Variants in TCERG1L observed in about 807,000 individuals in gnomAD.
TCERG1L encodes the protein transcription elongation regulator 1 like.
Under a neutral mutation model 56.3 loss-of-function variants are expected in TCERG1L, and 37 were observed. That is an observed-to-expected ratio of 0.66 (90% CI 0.51 to 0.87). The LOEUF (loss-of-function observed/expected upper bound fraction) is 0.87. TCERG1L is among the 40% of genes least tolerant of loss of function. The pLI is 0.00. For synonymous variants in TCERG1L, 324 were observed against 326.3 expected, an observed-to-expected ratio of 0.99 and a Z score of 0.08; for missense variants, 799 against 774.2, an observed-to-expected ratio of 1.03 and a Z score of -0.38.
At chr10:131,194,115 G>C (rs528137979) in intron 4 of TCERG1L, among the ~76,000 whole-genome samples, 1 of 152,356 alleles carries the variant, frequency 6.6e-6, no homozygotes, top group East Asian at 1.9e-4. Flanking sequence ...ACACGGCATG[G>C]AGCTTTGACC....
rs58016777 is a variant in TCERG1L, at chr10:131,203,314, C to CAAAAAAA, written c.857-36436_857-36430dup. On this transcript the variant is annotated intron_variant, in intron 4 of 11. Transcript: ENST00000368642. ...TGGGTGACAGAGTGAGACTCCGTCT[C>CAAAAAAA]AAAAAAAAAAAGACTTCCAGTATGT... is the stretch of plus-strand genomic sequence containing the variant. Among the ~76,000 whole-genome samples, 12 of 117,668 alleles carry CAAAAAAA rather than the reference C, an allele frequency of 1.0e-4. 2 individuals are homozygous for CAAAAAAA. The highest frequency in any genetic ancestry group is 2.9e-4 in the Admixed American group (3 of 10,366). The allele number at this position is 117,668 out of a possible 152,430, so 77.2% of individuals were successfully genotyped here.
intron 4 of TCERG1L, among the ~76,000 whole-genome samples, chr10:131,177,807 C>T (rs1424482836): frequency 1.3e-5 from 2 of 151,396 alleles, no homozygotes; most frequent in Non-Finnish European, 2.9e-5. Context: ...GACTCTGGAT[C>T]GATGCCCCCC....
chr10:131,108,268 C>T (rs1227162737), intron 9 of TCERG1L, among the ~76,000 whole-genome samples: 2 of 152,174 alleles, frequency 1.3e-5, no homozygotes, highest in African/African-American at 4.8e-5. Context: ...TTTAGCCCAG[C>T]GTTTCACAGG....
At chr10:131,117,973 G>A (rs898779137) in intron 8 of TCERG1L, among the ~76,000 whole-genome samples, 19 of 152,172 alleles carry the variant, frequency 1.2e-4, no homozygotes, top group African/African-American at 3.9e-4. Flanking sequence ...GGGCAGGTCC[G>A]TCGGCTGCCA....
intron 9 of TCERG1L, among the ~76,000 whole-genome samples, chr10:131,109,871 C>T (rs139682475): frequency 2.0e-5 from 3 of 152,218 alleles, no homozygotes; most frequent in African/African-American, 4.8e-5. Flanking sequence ...GAAACGCAGG[C>T]GCCAGAAGGA....
chr10:131,279,891 C>A (rs558723879), intron 3 of TCERG1L, among the ~76,000 whole-genome samples: 1 of 152,232 alleles, frequency 6.6e-6, no homozygotes, highest in East Asian at 1.9e-4. Flanking sequence ...CTCTCGGGGG[C>A]ACACCCTCCT....
intron 4 of TCERG1L, among the ~76,000 whole-genome samples, chr10:131,221,082 C>G (rs1845727094): frequency 6.6e-6 from 1 of 152,210 alleles, no homozygotes; most frequent in Non-Finnish European, 1.5e-5. Context: ...CAACTGGACA[C>G]CTGCAGGGTG....
At chr10:131,262,405 T>C (rs963419615) in intron 3 of TCERG1L, among the ~76,000 whole-genome samples, 2 of 152,244 alleles carry the variant, frequency 1.3e-5, no homozygotes, top group East Asian at 1.9e-4. Flanking sequence ...AAAGTCGTGA[T>C]AATGAACATA....
chr10:131,179,268 A>T (rs532637357), intron 4 of TCERG1L, among the ~76,000 whole-genome samples: 1 of 152,372 alleles, frequency 6.6e-6, no homozygotes, highest in South Asian at 2.1e-4. Flanking sequence ...TTCCCAGGTC[A>T]CAGCGAGAGG....
chr10:131,299,654 T>C (rs906654898), intron 3 of TCERG1L, among the ~76,000 whole-genome samples: 16 of 152,166 alleles, frequency 1.1e-4, no homozygotes, highest in Admixed American at 1.0e-3. Context: ...AGTTCATTTA[T>C]AGGCAGTTTT....
intron 8 of TCERG1L, among the ~76,000 whole-genome samples, chr10:131,131,862 C>A (rs1178615698): frequency 6.6e-6 from 1 of 152,206 alleles, no homozygotes; most frequent in African/African-American, 2.4e-5. Context: ...ACAAAAAGCG[C>A]AGGTCCAAAT....
chr10:131,216,388 C>T (rs1379229143), intron 4 of TCERG1L, among the ~76,000 whole-genome samples: 4 of 152,158 alleles, frequency 2.6e-5, no homozygotes, highest in African/African-American at 9.7e-5. Context: ...CAACTGCCTG[C>T]CCTTTTCGCT....
At chr10:131,296,929 T>C (rs897131698) in intron 3 of TCERG1L, among the ~76,000 whole-genome samples, 1 of 152,224 alleles carries the variant, frequency 6.6e-6, no homozygotes, top group Non-Finnish European at 1.5e-5. Context: ...ATTTTGTACA[T>C]TGACCTTGCA....
In TCERG1L at chr10:131,169,105, C is replaced by A. The variant is rs75410361; in HGVS notation, c.857-2220G>T. Among the ~76,000 whole-genome samples, 936 of 152,296 alleles carry A rather than the reference C, an allele frequency of 6.1e-3. 29 individuals carry two copies. In the East Asian group the frequency reaches 0.098, roughly 16 times the overall value. On this transcript the variant is annotated intron_variant, in intron 4 of 11. Coordinates refer to ENST00000368642, the MANE Select transcript of TCERG1L (RefSeq NM_174937.4). The stretch of plus-strand genomic sequence containing the variant: ...TCCGGAACTCTGTTAAGAATTACTC[C>A]CAGAGCCCATTCTTGTCAAGGTGCA...
intron 4 of TCERG1L, among the ~76,000 whole-genome samples, chr10:131,167,643 T>C (rs1015961038): frequency 6.6e-6 from 1 of 152,182 alleles, no homozygotes; most frequent in African/African-American, 2.4e-5. Flanking sequence ...CCCTTGGTCC[T>C]GGCCCTGCCA....
intron 4 of TCERG1L, among the ~76,000 whole-genome samples, chr10:131,256,942 A>T (rs1036302412): frequency 3.4e-5 from 5 of 147,116 alleles, no homozygotes; most frequent in African/African-American, 5.1e-5. Context: ...GGAGGGAGGA[A>T]GAGAAAGAAG....
At chr10:131,243,306 G>A (rs962473289) in intron 4 of TCERG1L, among the ~76,000 whole-genome samples, 2 of 152,110 alleles carry the variant, frequency 1.3e-5, no homozygotes, top group African/African-American at 4.8e-5. Context: ...GCATGGCCAG[G>A]CGTGAGGGCT....
intron 4 of TCERG1L, among the ~76,000 whole-genome samples, chr10:131,217,528 C>A (rs1425182828): frequency 1.3e-5 from 2 of 152,074 alleles, no homozygotes; most frequent in Non-Finnish European, 2.9e-5. Flanking sequence ...AGACACAGGC[C>A]TGGTCAGCAA....
chr10:131,255,059 T>G (rs1371529990), intron 4 of TCERG1L, among the ~76,000 whole-genome samples: 1 of 152,124 alleles, frequency 6.6e-6, no homozygotes, highest in African/African-American at 2.4e-5. Context: ...GCTAGAGAGA[T>G]CTGTGCAGAG....
Sources: gnomAD v4.1 joint callset for allele counts (sites outside exome capture counted in the v4.1 genomes callset) on GRCh38, gnomAD v4.1.1 for gene constraint, MANE v1.5 for transcripts, NCBI Gene and HGNC (gene_info 2026-07-23, HGNC 2026-07-21) for gene names.